GPHN: variants seen among roughly 807,000 people sequenced by gnomAD.
GPHN encodes the protein gephyrin.
A neutral mutation model predicts 95.5 loss-of-function variants in GPHN; 17 were observed. The ratio of observed to expected loss-of-function variants is 0.18; its 90% confidence interval spans 0.12 to 0.27. The LOEUF is 0.27. Ranked by LOEUF, GPHN falls within the 10% of genes least tolerant of loss-of-function variation. GPHN has a pLI of 1.00. For missense variants in GPHN, 660 were observed against 978.1 expected (o/e 0.67, Z 4.34); for synonymous variants, 320 against 322.5 (o/e 0.99, Z 0.08).
chr14:67,352,886 C>A, the GPHN span: 1 of 1,423,676 alleles, frequency 7.0e-7, no homozygotes, highest in South Asian at 1.3e-5. Flanking sequence ...CTGGATTTTT[C>A]TAAAATAAAT....
At chr14:66,650,133 G>A (rs978336715) in intron 1 of GPHN, among the ~76,000 whole-genome samples, 1 of 151,524 alleles carries the variant, frequency 6.6e-6, no homozygotes, top group Non-Finnish European at 1.5e-5. Flanking sequence ...AATACCGAGA[G>A]TCTTACATAA....
At chr14:67,549,921 G>A in the GPHN span, among the ~76,000 whole-genome samples, 18 of 152,220 alleles carry the variant, frequency 1.2e-4, 1 homozygote, top group South Asian at 1.2e-3. Flanking sequence ...TGATTCTTAC[G>A]CCCTTGAAAG....
intron 2 of GPHN, among the ~76,000 whole-genome samples, chr14:66,690,136 A>C (rs1053489356): frequency 6.6e-6 from 1 of 151,850 alleles, no homozygotes; most frequent in African/African-American, 2.4e-5. Flanking sequence ...TTGTTAGGCT[A>C]TTTGAAAATT....
At chr14:67,381,330 A>G in the GPHN span, among the ~76,000 whole-genome samples, 1 of 152,228 alleles carries the variant, frequency 6.6e-6, no homozygotes, top group Admixed American at 6.5e-5. Context: ...ATGTTCTTCA[A>G]GACAAATTCC....
rs191605486 is a variant in GPHN at position 66,757,535 on chromosome 14, G to A, written c.144-18929G>A. Among the ~76,000 whole-genome samples, 251 of 152,124 alleles carry A rather than the reference G, an allele frequency of 1.6e-3. 2 individuals are homozygous for A. Among genetic ancestry groups the A allele is most frequent in the African/African-American group, 5.9e-3 (244 of 41,502 alleles). On this transcript the variant is annotated intron_variant, in intron 2 of 22. Transcript: ENST00000478722. ...CTCCCGAGTAGCTGGGATAACAAGC[G>A]CGTACCACCCTGTCCAGCTAACTTT...
At chr14:67,534,640 G>T in the GPHN span, among the ~76,000 whole-genome samples, 2 of 152,118 alleles carry the variant, frequency 1.3e-5, no homozygotes, top group African/African-American at 4.8e-5. Flanking sequence ...TGCTGAGGGG[G>T]CCTGCTCAGA....
chr14:66,905,753 G>T (rs982889830), intron 5 of GPHN, among the ~76,000 whole-genome samples: 12 of 152,212 alleles, frequency 7.9e-5, no homozygotes, highest in African/African-American at 2.2e-4. Context: ...GTAGTCCCCA[G>T]TGTCTATTGT....
intron 2 of GPHN, among the ~76,000 whole-genome samples, chr14:66,682,404 T>A (rs1450194975): frequency 6.6e-6 from 1 of 152,192 alleles, no homozygotes; most frequent in Non-Finnish European, 1.5e-5. Flanking sequence ...TCCTTATGGA[T>A]ATGGGTGGAA....
chr14:67,662,045 A>G, the GPHN span, among the ~76,000 whole-genome samples: 1 of 152,042 alleles, frequency 6.6e-6, no homozygotes, highest in African/African-American at 2.4e-5. Flanking sequence ...ATTCCCAGCT[A>G]CTTGGGAGGC....
chr14:67,101,894 C>T (rs58221168), intron 13 of GPHN, among the ~76,000 whole-genome samples: 34,436 of 146,588 alleles, frequency 0.23, 7,669 homozygotes, highest in African/African-American at 0.56. Flanking sequence ...ATTTTTGAAA[C>T]GTAGTCTTGC....
At chr14:67,400,382 T>C in the GPHN span, among the ~76,000 whole-genome samples, 1 of 152,214 alleles carries the variant, frequency 6.6e-6, no homozygotes, top group Non-Finnish European at 1.5e-5. Flanking sequence ...AGTATGGGCA[T>C]TGAGAGTTTT....
At chr14:67,481,434 G>A in the GPHN span, among the ~76,000 whole-genome samples, 111 of 152,168 alleles carry the variant, frequency 7.3e-4, no homozygotes, top group Non-Finnish European at 1.4e-3. Context: ...GACAGTGTCC[G>A]AGGGCAGAAC....
chr14:67,443,480 G>C, the GPHN span, among the ~76,000 whole-genome samples: 1 of 152,054 alleles, frequency 6.6e-6, no homozygotes, highest in Non-Finnish European at 1.5e-5. Context: ...AAGGGTAGGA[G>C]GGCCAGTGTT....
intron 2 of GPHN, 132 bp from the exon 3 acceptor site, chr14:66,776,329 GGTT>G: frequency 1.4e-6 from 1 of 712,352 alleles, no homozygotes; most frequent in Non-Finnish European, 2.6e-6. Context: ...TGCACAAAAT[GGTT>G]GTTTTTCCTC....
the GPHN span, among the ~76,000 whole-genome samples, chr14:67,458,578 A>G: frequency 6.6e-6 from 1 of 152,146 alleles, no homozygotes; most frequent in African/African-American, 2.4e-5. Flanking sequence ...TGTTGTTCCC[A>G]TTTGAAGGGC....
chr14:67,679,536 T>C, the GPHN span, among the ~76,000 whole-genome samples: 1 of 152,024 alleles, frequency 6.6e-6, no homozygotes, highest in South Asian at 2.1e-4. Context: ...CCAGAGTAGC[T>C]GGGATTATAG....
chr14:67,598,518 CTAAAG>C, the GPHN span, among the ~76,000 whole-genome samples: 1 of 146,744 alleles, frequency 6.8e-6, no homozygotes, highest in Non-Finnish European at 1.5e-5. Flanking sequence ...CGTTCTAGGG[CTAAAG>C]TAAGGAATTC....
At chr14:67,015,194 T>A (rs1594821242) in intron 9 of GPHN, among the ~76,000 whole-genome samples, 1 of 152,310 alleles carries the variant, frequency 6.6e-6, no homozygotes, top group East Asian at 1.9e-4. Context: ...CTGACACACT[T>A]CCGACTTCTT....
chr14:67,439,546 T>TTTCTTTCG, the GPHN span, among the ~76,000 whole-genome samples: 1 of 58,876 alleles, frequency 1.7e-5, no homozygotes, highest in East Asian at 3.1e-4. Flanking sequence ...TCTTTCTTTC[T>TTTCTTTCG]TTCTTTCTTT....
Sources: gnomAD v4.1 joint callset for allele counts (sites outside exome capture counted in the v4.1 genomes callset) on GRCh38, gnomAD v4.1.1 for gene constraint, MANE v1.5 for transcripts, NCBI Gene and HGNC (gene_info 2026-07-23, HGNC 2026-07-21) for gene names.